The following KIAA1958 variants were observed in gnomAD, a reference collection of about 807,000 sequenced individuals.
KIAA1958 encodes the protein uncharacterized protein KIAA1958.
A neutral mutation model predicts 47.2 loss-of-function variants in KIAA1958; 14 were observed. The ratio of observed to expected loss-of-function variants is 0.30; its 90% CI spans 0.20 to 0.46. KIAA1958 has a LOEUF of 0.46. Ranked by LOEUF, KIAA1958 falls within the 20% of genes least tolerant of loss-of-function variation. The pLI, the probability that KIAA1958 is intolerant of heterozygous loss-of-function variation, is 1.00. For missense variants in KIAA1958, 803 were observed against 909.2 expected (o/e 0.88, Z 1.50); for synonymous variants, 354 against 353.3 (o/e 1.00, Z -0.02).
intron 2 of KIAA1958, among the ~76,000 whole-genome samples, chr9:112,636,783 C>T (rs1003223688): frequency 1.3e-5 from 2 of 151,980 alleles, no homozygotes; most frequent in African/African-American, 2.4e-5. Context: ...GTGTATTTTT[C>T]CCCCAGGAGA....
At position 112,633,005 on chromosome 9, in the gene KIAA1958, A is replaced by G. The variant is rs1172669229; in HGVS notation, c.1172-12645A>G. On this transcript the variant is annotated intron_variant, in intron 2 of 3. Transcript: ENST00000337530. ...AATTTGCTTTTGTTTTTGCTTTTCC[A>G]GCTCAACCAATTATACCATTTATTG... 2.6e-5 allele frequency among the ~76,000 whole-genome samples: 4 copies of G among 151,328 alleles called. No homozygotes were observed. The East Asian group carries it at 5.8e-4, about 22-fold the overall frequency.
At chr9:112,559,491 G>T (rs536560133) in intron 1 of KIAA1958, among the ~76,000 whole-genome samples, 1 of 152,318 alleles carries the variant, frequency 6.6e-6, no homozygotes, top group South Asian at 2.1e-4. Flanking sequence ...GAGGACTGAG[G>T]AGTGCCAATG....
Position 112,658,560 on chromosome 9 carries a change from T to TG in KIAA1958, c.1345-696dup, listed in dbSNP as rs199659489. On this transcript the variant is annotated intron_variant, in intron 3 of 3. Coordinates refer to ENST00000337530, the MANE Select transcript of KIAA1958 (RefSeq NM_133465.4). The stretch of plus-strand genomic sequence containing the variant: ...GCAGACACACATGTATATATGTGTA[T>TG]GGGGGGGTGTTCACTACTATTTACA... Among the ~76,000 whole-genome samples the TG allele has an allele frequency of 1.0e-3, 152 of 152,272 alleles. 4 individuals carry two copies. The East Asian group carries it at 0.027, about 27-fold the overall frequency.
At chr9:112,577,021 T>A (rs966974687) in intron 2 of KIAA1958, among the ~76,000 whole-genome samples, 6 of 152,150 alleles carry the variant, frequency 3.9e-5, no homozygotes, top group African/African-American at 1.4e-4. Flanking sequence ...TTTTCATGTT[T>A]AAAAAAATAA....
chr9:112,495,218 CT>C (rs1834032830), intron 1 of KIAA1958, among the ~76,000 whole-genome samples: 2 of 152,070 alleles, frequency 1.3e-5, no homozygotes, highest in Non-Finnish European at 2.9e-5. Flanking sequence ...TGGCTATTTT[CT>C]TAATTCCTCT....
At chr9:112,645,113 C>T (rs1305747899) in intron 2 of KIAA1958, among the ~76,000 whole-genome samples, 3 of 146,452 alleles carry the variant, frequency 2.0e-5, no homozygotes, top group Admixed American at 6.9e-5. Flanking sequence ...CCAGCCTGGG[C>T]GATAAGCGCA....
intron 3 of KIAA1958, among the ~76,000 whole-genome samples, chr9:112,646,268 C>T (rs895012179): frequency 1.3e-5 from 2 of 152,120 alleles, no homozygotes; most frequent in African/African-American, 4.8e-5. Flanking sequence ...CCTTAAGTGC[C>T]AGGCTAAAAT....
chr9:112,537,860 T>C (rs1160774007), intron 1 of KIAA1958, among the ~76,000 whole-genome samples: 2 of 152,154 alleles, frequency 1.3e-5, no homozygotes, highest in Non-Finnish European at 2.9e-5. Context: ...TGGAGAAATT[T>C]AGGAAAATTT....
At chr9:112,607,717 T>A (rs2806316) in intron 2 of KIAA1958, among the ~76,000 whole-genome samples, 126,314 of 146,000 alleles carry the variant, frequency 0.87, 54,787 homozygotes, top group African/African-American at 0.94. Context: ...TGCCCCTCAT[T>A]GATAAAAAGA....
At chr9:112,562,487 A>C (rs993048111) in intron 1 of KIAA1958, among the ~76,000 whole-genome samples, 5 of 152,200 alleles carry the variant, frequency 3.3e-5, no homozygotes, top group African/African-American at 1.2e-4. Context: ...GCCTGTGGGC[A>C]GAACTTCTTA....
At chr9:112,577,100 A>G (rs1835658988) in intron 2 of KIAA1958, among the ~76,000 whole-genome samples, 1 of 152,124 alleles carries the variant, frequency 6.6e-6, no homozygotes, top group South Asian at 2.1e-4. Flanking sequence ...CTAATGACTA[A>G]TGGTACTGAG....
chr9:112,663,253 G>GC lies in KIAA1958; in HGVS notation c.*3189dup. 6.6e-6 allele frequency: 1 copy of GC among 151,622 alleles called. No homozygotes were observed. 9.4% of individuals were successfully genotyped at this position (151,622 alleles called of 1,614,324 possible). A position where few individuals can be genotyped will look rare whatever the true frequency, so the allele number is the denominator to read the frequency against. Reference sequence around the variant, plus strand: ...TTTCTGTCTATCCCCCCCACCGCCGGCCCCCGGAATCTAAGCAGACTCCCT... The same window carrying GC: ...TTTCTGTCTATCCCCCCCACCGCCGGCCCCCCGGAATCTAAGCAGACTCCCT... On this transcript the variant is annotated 3_prime_UTR_variant, in exon 4 of 4. Transcript: ENST00000337530.
At chr9:112,634,802 T>C (rs1000710048) in intron 2 of KIAA1958, among the ~76,000 whole-genome samples, 1 of 152,186 alleles carries the variant, frequency 6.6e-6, no homozygotes, top group African/African-American at 2.4e-5. Flanking sequence ...ACTTTTGGGG[T>C]AGTGATTTTG....
chr9:112,658,390 G>T (rs980637434), intron 3 of KIAA1958, among the ~76,000 whole-genome samples: 3 of 152,204 alleles, frequency 2.0e-5, no homozygotes, highest in Admixed American at 6.5e-5. Flanking sequence ...TTTAATTCAG[G>T]AATTTTTCAG....
At chr9:112,502,547 T>C (rs1834160936) in intron 1 of KIAA1958, among the ~76,000 whole-genome samples, 1 of 152,258 alleles carries the variant, frequency 6.6e-6, no homozygotes, top group South Asian at 2.1e-4. Flanking sequence ...GTTGCCCTGC[T>C]TTCCATGATT....
intron 2 of KIAA1958, among the ~76,000 whole-genome samples, chr9:112,595,547 G>A (rs987254738): frequency 2.0e-5 from 3 of 151,842 alleles, no homozygotes; most frequent in Non-Finnish European, 4.4e-5. Context: ...TGTAACCCCA[G>A]CTACTGGGGT....
chr9:112,493,830 A>C (rs766928447), intron 1 of KIAA1958, among the ~76,000 whole-genome samples: 1 of 152,170 alleles, frequency 6.6e-6, no homozygotes, highest in South Asian at 2.1e-4. Flanking sequence ...CCCCTCAACT[A>C]TCTTTAAAAA....
intron 2 of KIAA1958, among the ~76,000 whole-genome samples, chr9:112,632,923 T>TAA (rs1016716996): frequency 0.015 from 1,837 of 125,616 alleles, 18 homozygotes; most frequent in Middle Eastern, 0.032. Context: ...TTTTTTTTTT[T>TAA]AAAAAAAGAG....
intron 1 of KIAA1958, among the ~76,000 whole-genome samples, chr9:112,570,485 C>T (rs567878240): frequency 6.6e-6 from 1 of 152,186 alleles, no homozygotes; most frequent in African/African-American, 2.4e-5. Flanking sequence ...CTGCTTGTTG[C>T]TTGGCTGCTG....
Sources: gnomAD v4.1 joint callset for allele counts (sites outside exome capture counted in the v4.1 genomes callset) on GRCh38, gnomAD v4.1.1 for gene constraint, MANE v1.5 for transcripts, NCBI Gene and HGNC (gene_info 2026-07-23, HGNC 2026-07-21) for gene names.